GALM: variants seen among roughly 807,000 people sequenced by gnomAD.
The protein encoded by GALM is aldose 1-epimerase.
A neutral mutation model predicts 37.4 loss-of-function variants in GALM; 43 were observed. The observed-to-expected ratio is 1.15, with a 90% CI of 0.90 to 1.48. The LOEUF (loss-of-function observed/expected upper bound fraction) is 1.48, where lower values mean the gene tolerates loss of function less well. GALM is among the 40% of genes most tolerant of loss of function. The pLI, the probability that GALM is intolerant of heterozygous loss-of-function variation, is 0.00. For missense variants in GALM, 456 were observed against 419.1 expected (o/e 1.09, Z -0.77); for synonymous variants, 199 against 170.6 (o/e 1.17, Z -1.30).
chr2:38,698,524 AAAGG>A, intron 4 of GALM: 7 of 653,900 alleles, frequency 1.1e-5, no homozygotes, highest in Non-Finnish European at 1.1e-5. Flanking sequence ...AAAAAAAAAA[AAAGG>A]AAAAAAATGA....
chr2:38,686,499 C>T (rs1440212861), intron 3 of GALM, among the ~76,000 whole-genome samples: 1 of 151,586 alleles, frequency 6.6e-6, no homozygotes, highest in African/African-American at 2.4e-5. Context: ...CTCCTGACCT[C>T]GTGATCCACC....
At chr2:38,680,121 C>T (rs983546693) in intron 2 of GALM, 9 of 447,172 alleles carry the variant, frequency 2.0e-5, no homozygotes, top group East Asian at 7.4e-5. Flanking sequence ...TGGGCTCAAG[C>T]GATCCTCCCT....
intron 4 of GALM, among the ~76,000 whole-genome samples, chr2:38,702,504 G>C (rs1235106076): frequency 1.3e-5 from 2 of 151,392 alleles, no homozygotes; most frequent in African/African-American, 2.4e-5. Flanking sequence ...TTTGCTACAT[G>C]ACCCTTACCC....
Position 38,719,939 on chromosome 2 carries a change from C to T in GALM, c.635-9617C>T, listed in dbSNP as rs367770834. On this transcript the variant is annotated intron_variant, in intron 4 of 6. Transcript: ENST00000272252. Reference sequence around the variant, plus strand: ...AAATGTTTATTGTTTTGGCCAGGCGCGTTGGCTCACACCAACACTTTGGGA... The same window carrying T: ...AAATGTTTATTGTTTTGGCCAGGCGTGTTGGCTCACACCAACACTTTGGGA... 2.0e-4 allele frequency among the ~76,000 whole-genome samples: 30 copies of T among 151,720 alleles called. 1 individual carries two copies. In the South Asian group the frequency reaches 2.5e-3, roughly 13 times the overall value.
chr2:38,672,190 T>A (rs1665123515), intron 1 of GALM, among the ~76,000 whole-genome samples: 2 of 152,240 alleles, frequency 1.3e-5, no homozygotes, highest in Non-Finnish European at 2.9e-5. Context: ...GCTTTGTGGT[T>A]GTCTCCAACA....
At chr2:38,691,461 C>T (rs1011471598) in intron 4 of GALM, among the ~76,000 whole-genome samples, 1 of 152,030 alleles carries the variant, frequency 6.6e-6, no homozygotes, top group African/African-American at 2.4e-5. Flanking sequence ...AGGAGGATCA[C>T]TTGAGCCCAG....
rs865951786 is a variant in GALM at position 38,725,710 on chromosome 2, T to G, written c.635-3846T>G. Among the ~76,000 whole-genome samples, 305 of 152,222 alleles carry G rather than the reference T, an allele frequency of 2.0e-3. 1 individual carries two copies. The highest frequency in any genetic ancestry group is 7.1e-3 in the African/African-American group (296 of 41,550). On this transcript the variant is annotated intron_variant, in intron 4 of 6. Coordinates refer to ENST00000272252, the MANE Select transcript of GALM (RefSeq NM_138801.3). ...CTTTTTCTTTTCATTTCTTTTCTTT[T>G]TTTTGTTTTGTTTTGTTTTGTTTTT...
chr2:38,705,836 A>AT (rs1253780940), intron 4 of GALM, among the ~76,000 whole-genome samples: 2 of 151,580 alleles, frequency 1.3e-5, no homozygotes, highest in Non-Finnish European at 2.9e-5. Context: ...ATGAGCTGGG[A>AT]TTTTTTTTAT....
intron 4 of GALM, among the ~76,000 whole-genome samples, chr2:38,721,298 G>A (rs1490283699): frequency 6.6e-6 from 1 of 152,172 alleles, no homozygotes; most frequent in Non-Finnish European, 1.5e-5. Context: ...CAGAGATCTG[G>A]AATGTTATAA....
chr2:38,731,671 C>A, intron 5 of GALM, 64 bp from the exon 6 acceptor site: 1 of 1,297,804 alleles, frequency 7.7e-7, no homozygotes, highest in Non-Finnish European at 1.1e-6. Context: ...AGCCGCTTCC[C>A]AGCTTCTACT....
At chr2:38,695,122 G>A (rs528214698) in intron 4 of GALM, among the ~76,000 whole-genome samples, 2 of 151,822 alleles carry the variant, frequency 1.3e-5, no homozygotes, top group African/African-American at 4.8e-5. Context: ...AATCACCTTC[G>A]GTAGAAAATT....
intron 4 of GALM, among the ~76,000 whole-genome samples, chr2:38,716,536 G>A (rs1297226564): frequency 2.0e-5 from 3 of 152,318 alleles, no homozygotes; most frequent in African/African-American, 7.2e-5. Flanking sequence ...GGGCTTCAGA[G>A]GCTCTGGGAA....
chr2:38,684,081 A>G (rs1054808267), intron 3 of GALM, among the ~76,000 whole-genome samples: 12 of 152,178 alleles, frequency 7.9e-5, no homozygotes, highest in African/African-American at 2.7e-4. Flanking sequence ...GCATTATCAT[A>G]TATCTCAAAC....
chr2:38,725,436 T>C (rs780661943), intron 4 of GALM, among the ~76,000 whole-genome samples: 1 of 152,114 alleles, frequency 6.6e-6, no homozygotes, highest in Non-Finnish European at 1.5e-5. Flanking sequence ...CTCAGGAAGC[T>C]GAGACAGGAG....
intron 4 of GALM, among the ~76,000 whole-genome samples, chr2:38,720,482 T>C (rs1211141037): frequency 6.7e-6 from 1 of 148,978 alleles, no homozygotes; most frequent in Non-Finnish European, 1.5e-5. Context: ...GGAAAATTAG[T>C]CTCCTGTCAG....
intron 3 of GALM, among the ~76,000 whole-genome samples, chr2:38,688,044 T>C (rs934289198): frequency 1.3e-5 from 2 of 151,528 alleles, no homozygotes; most frequent in African/African-American, 2.4e-5. Flanking sequence ...AAACCCCATC[T>C]CTACTAAAAA....
At chr2:38,723,994 A>G (rs1253726923) in intron 4 of GALM, among the ~76,000 whole-genome samples, 1 of 151,846 alleles carries the variant, frequency 6.6e-6, no homozygotes, top group African/African-American at 2.4e-5. Flanking sequence ...ATCTCAGCTC[A>G]CTGCAAGCTC....
chr2:38,668,539 G>A (rs1665011832), intron 1 of GALM: 1 of 152,174 alleles, frequency 6.6e-6, no homozygotes, highest in South Asian at 2.1e-4. Context: ...GGTGCCCAGG[G>A]TGCAGAGGAT....
intron 4 of GALM, among the ~76,000 whole-genome samples, chr2:38,702,579 T>C (rs1194842943): frequency 6.6e-6 from 1 of 152,104 alleles, no homozygotes; most frequent in Admixed American, 6.6e-5. Flanking sequence ...AAACTGTAGA[T>C]TCTTTCTTGC....
Sources: allele counts gnomAD v4.1 joint callset (sites outside exome capture counted in the v4.1 genomes callset), GRCh38; gene constraint gnomAD v4.1.1; transcripts MANE v1.5; gene names NCBI Gene and HGNC (gene_info 2026-07-23, HGNC 2026-07-21).